Variants in ADAM32 observed in about 807,000 individuals in gnomAD.
ADAM32 encodes ADAM metallopeptidase domain 32, also known as disintegrin and metalloproteinase domain-containing protein 32.
A neutral mutation model predicts 114.9 loss-of-function variants in ADAM32; 89 were observed. That is an observed-to-expected ratio of 0.77 (90% CI 0.65 to 0.92). The LOEUF is 0.92. Ranked by LOEUF, ADAM32 falls within the 40% of genes least tolerant of loss-of-function variation. The pLI, the probability that ADAM32 is intolerant of heterozygous loss-of-function variation, is 0.00. For missense variants in ADAM32, 870 were observed against 932.8 expected, an observed-to-expected ratio of 0.93 and a Z score of 0.88; for synonymous variants, 285 against 307.5, an observed-to-expected ratio of 0.93 and a Z score of 0.77.
chr8:39,211,281 G>A lies in ADAM32; in HGVS notation c.1190G>A (p.Gly397Asp). Residue 397 changes from glycine to aspartate, a missense_variant, in exon 12 of 25, where the codon GGC (glycine) becomes GAC (aspartate). By Grantham distance (94) the Gly-to-Asp change is moderately conservative. Transcript: ENST00000379907. ...KKSPKPVCGN[G>D]RLEGNEICDC... ...TCTCCGAAACCAGTCTGTGGCAATG[G>A]CAGATTGGAGGGAAATGAAATCTGT... 3.1e-6 allele frequency: 5 copies of A among 1,589,652 alleles called. No individual in the cohort carries two copies. Among genetic ancestry groups the A allele is most frequent in the Non-Finnish European group, 4.3e-6 (5 of 1,168,234 alleles).
In ADAM32 at chr8:39,196,232, GT is replaced by G. The variant is rs199928471; in HGVS notation, c.1052+9193del. 4.8e-3 allele frequency among the ~76,000 whole-genome samples: 725 copies of G among 152,174 alleles called. 3 individuals are homozygous for G. The highest frequency in any genetic ancestry group is 8.3e-3 in the Non-Finnish European group (562 of 67,950). ...CTGAATTTGTTGATCAGTTTTTAGA[GT>G]TTTTTGGTGGAATCTTTGATTTTTC... is the stretch of plus-strand genomic sequence containing the variant. On this transcript the variant is annotated intron_variant, in intron 11 of 24. Transcript: ENST00000379907.
intron 6 of ADAM32, among the ~76,000 whole-genome samples, chr8:39,153,118 T>C (rs1803940255): frequency 6.6e-6 from 1 of 152,216 alleles, no homozygotes. Context: ...CTAAGTTTGC[T>C]TAATTCACTA....
intron 6 of ADAM32, among the ~76,000 whole-genome samples, chr8:39,152,657 G>C (rs1803904208): frequency 6.6e-6 from 1 of 151,384 alleles, no homozygotes; most frequent in Non-Finnish European, 1.5e-5. Flanking sequence ...GGAGGTGGAG[G>C]TTGCAGTGAG....
At chr8:39,134,941 A>T (rs2129444954) in intron 2 of ADAM32, among the ~76,000 whole-genome samples, 1 of 152,206 alleles carries the variant, frequency 6.6e-6, no homozygotes, top group East Asian at 1.9e-4. Context: ...GAGTCACCTG[A>T]GGTTGGGAGT....
At chr8:39,242,662 A>C (rs78224393) in intron 16 of ADAM32, among the ~76,000 whole-genome samples, 4,145 of 152,232 alleles carry the variant, frequency 0.027, 212 homozygotes, top group African/African-American at 0.094. Flanking sequence ...ACCTCTCACA[A>C]TATGTGGGAA....
intron 3 of ADAM32, 35 bp downstream of exon 3, chr8:39,136,753 T>G: frequency 4.5e-6 from 6 of 1,346,150 alleles, no homozygotes; most frequent in Non-Finnish European, 6.0e-6. Context: ...GATTTTATTT[T>G]ATTTCTATGA....
chr8:39,199,143 CTCTT>C (rs1191571666), intron 11 of ADAM32, among the ~76,000 whole-genome samples: 17 of 152,094 alleles, frequency 1.1e-4, no homozygotes, highest in African/African-American at 3.1e-4. Context: ...TTAGAATTCT[CTCTT>C]TGTTTTTGAA....
chr8:39,201,869 G>T (rs1247583948), intron 11 of ADAM32, among the ~76,000 whole-genome samples: 1 of 152,146 alleles, frequency 6.6e-6, no homozygotes, highest in Non-Finnish European at 1.5e-5. Flanking sequence ...GGCCTTTTCT[G>T]CATCTATTGA....
In ADAM32 at chr8:39,209,712, G is replaced by A. The variant is rs140059293; in HGVS notation, c.1053-1432G>A. Among the ~76,000 whole-genome samples the A allele has an allele frequency of 1.2e-4, 19 of 152,230 alleles. 1 individual carries two copies. The East Asian group carries it at 3.1e-3, about 25-fold the overall frequency. ...TAGATAGCACCTTAAGCTCAATTAC[G>A]CTGTGGCTCTCTTGAAGATTCCTAT... On this transcript the variant is annotated intron_variant, in intron 11 of 24. Coordinates refer to ENST00000379907, the MANE Select transcript of ADAM32 (RefSeq NM_145004.7).
At chr8:39,269,491 C>T (rs1230345329) in intron 19 of ADAM32, among the ~76,000 whole-genome samples, 1 of 152,190 alleles carries the variant, frequency 6.6e-6, no homozygotes. Flanking sequence ...CTCTGCATCT[C>T]ACATTCTGAT....
At chr8:39,111,522 G>A (rs1433553488) in intron 1 of ADAM32, among the ~76,000 whole-genome samples, 1 of 152,116 alleles carries the variant, frequency 6.6e-6, no homozygotes, top group African/African-American at 2.4e-5. Flanking sequence ...GATCACTTGA[G>A]GCCAGGAGTT....
chr8:39,174,659 CT>C (rs1805404003), intron 10 of ADAM32, among the ~76,000 whole-genome samples: 1 of 116,556 alleles, frequency 8.6e-6, no homozygotes, highest in Admixed American at 1.0e-4. Flanking sequence ...TCCCTCCCCC[CT>C]CCCCCGACCC....
At chr8:39,249,820 C>T (rs563332970) in intron 17 of ADAM32, among the ~76,000 whole-genome samples, 4 of 152,190 alleles carry the variant, frequency 2.6e-5, no homozygotes, top group African/African-American at 9.6e-5. Context: ...GATATATACT[C>T]TCAATTTTTG....
At chr8:39,254,715 A>AT (rs918779940) in intron 18 of ADAM32, among the ~76,000 whole-genome samples, 199 bp downstream of exon 18, 6 of 151,644 alleles carry the variant, frequency 4.0e-5, no homozygotes, top group East Asian at 1.9e-4. Flanking sequence ...TAATCAATTA[A>AT]TTTTTTTTAT....
chr8:39,265,347 G>A (rs970574326), intron 19 of ADAM32, among the ~76,000 whole-genome samples: 2 of 152,134 alleles, frequency 1.3e-5, no homozygotes, highest in African/African-American at 2.4e-5. Context: ...TTGTTTGCTT[G>A]ATGGATCTTT....
intron 1 of ADAM32, among the ~76,000 whole-genome samples, chr8:39,114,847 G>GT (rs35411564): frequency 0.015 from 2,293 of 152,256 alleles, 23 homozygotes; most frequent in Non-Finnish European, 0.023. Context: ...CTGAGAAGTA[G>GT]TTTTTCAGTC....
At chr8:39,165,460 T>C (rs2129446229) in intron 9 of ADAM32, 1 of 264,362 alleles carries the variant, frequency 3.8e-6, no homozygotes, top group South Asian at 1.0e-4. Flanking sequence ...TTGGATCTGG[T>C]GGTACTACTA....
At chr8:39,148,479 AC>A (rs989827763) in intron 4 of ADAM32, among the ~76,000 whole-genome samples, 16 of 10,160 alleles carry the variant, frequency 1.6e-3, no homozygotes, top group Admixed American at 3.6e-3. Flanking sequence ...TATTTCCTTT[AC>A]CTTTTTTTTT....
intron 12 of ADAM32, among the ~76,000 whole-genome samples, chr8:39,215,504 T>C (rs958017455): frequency 1.3e-5 from 2 of 152,026 alleles, no homozygotes; most frequent in Admixed American, 6.5e-5. Flanking sequence ...TTTTTCTTCT[T>C]TTTTGATATA....
Sources: gnomAD v4.1 joint callset for allele counts (sites outside exome capture counted in the v4.1 genomes callset) on GRCh38, gnomAD v4.1.1 for gene constraint, MANE v1.5 for transcripts, NCBI Gene and HGNC (gene_info 2026-07-23, HGNC 2026-07-21) for gene names.